The following ZNF783 variants were observed in gnomAD, a reference collection of about 807,000 sequenced individuals.
The protein encoded by ZNF783 is protein ZNF783.
ZNF783 carries 25 observed loss-of-function variants against 31.3 expected under a neutral mutation model. The observed-to-expected ratio is 0.80, with a 90% CI of 0.58 to 1.11. ZNF783 has a LOEUF of 1.11. Among genes scored for constraint, ZNF783 ranks in the 50% most tolerant of loss-of-function variants. The pLI is 0.00. For missense variants in ZNF783, 797 were observed against 760.0 expected (o/e 1.05, Z -0.57); for synonymous variants, 369 against 319.1 (o/e 1.16, Z -1.66).
chr7:149,262,843 T>C (rs565438057), intron 1 of ZNF783, among the ~76,000 whole-genome samples: 1 of 152,386 alleles, frequency 6.6e-6, no homozygotes, highest in Admixed American at 6.5e-5. Flanking sequence ...CGCCTCATAT[T>C]CTACTTTTGC....
chr7:149,282,137 T>A lies in ZNF783; in HGVS notation c.1435T>A (p.Ser479Thr). The part of the protein sequence containing the change: ...PYCGKAFRRP[S>T]DLFRHQRIHT... ...CTGCGGCAAGGCCTTCCGCCGGCCC[T>A]CGGACCTCTTCCGGCACCAGCGCAT... The change falls in exon 6 of 6, where the codon TCG becomes ACG. Residue 479 changes from serine to threonine, a missense_variant. Coordinates refer to ENST00000434415, the MANE Select transcript of ZNF783 (RefSeq NM_001195220.2). The A allele has an allele frequency of 6.3e-7, 1 of 1,599,804 alleles. No individual in the cohort carries two copies. Among genetic ancestry groups the A allele is most frequent in the Non-Finnish European group, 8.5e-7 (1 of 1,179,382 alleles).
chr7:149,265,023 G>C (rs1797032256), intron 1 of ZNF783, among the ~76,000 whole-genome samples: 1 of 150,938 alleles, frequency 6.6e-6, no homozygotes, highest in African/African-American at 2.5e-5. Context: ...TGGAAGTGGG[G>C]AAATCAGGTG....
At chr7:149,280,306 C>G (rs1797435543) in intron 5 of ZNF783, among the ~76,000 whole-genome samples, 1 of 152,180 alleles carries the variant, frequency 6.6e-6, no homozygotes, top group South Asian at 2.1e-4. Flanking sequence ...TGGGGAGTCT[C>G]CAACCTTCCC....
chr7:149,274,723 A>G (rs1462155578), intron 4 of ZNF783, among the ~76,000 whole-genome samples: 3 of 152,090 alleles, frequency 2.0e-5, no homozygotes, highest in Non-Finnish European at 1.5e-5. Context: ...GTATCGGTTT[A>G]TTTCTGGGTT....
chr7:149,277,144 G>C (rs942209755), intron 4 of ZNF783: 1 of 152,196 alleles, frequency 6.6e-6, no homozygotes, highest in African/African-American at 2.4e-5. Context: ...CACCGCGCCC[G>C]GTCTGGTTGT....
intron 4 of ZNF783, among the ~76,000 whole-genome samples, chr7:149,271,276 A>G (rs1472088031): frequency 6.6e-6 from 1 of 152,184 alleles, no homozygotes; most frequent in East Asian, 1.9e-4. Context: ...CTTTCCTTTT[A>G]GGTGGCAATC....
intron 1 of ZNF783, 27 bp downstream of exon 1, chr7:149,262,384 C>T: frequency 7.9e-7 from 1 of 1,258,952 alleles, no homozygotes; most frequent in Non-Finnish European, 1.0e-6. Flanking sequence ...CCGCGGACGC[C>T]CGGAAGGCCC....
In ZNF783 at chr7:149,266,748, T is replaced by G. The variant is rs1797081238; in HGVS notation, c.420+18T>G. Reference sequence around the variant, plus strand: ...CCCCCAAGGTAGCACCGGGACACCCTGGGGTGGGGGAGCTCGAGGGGCTGA... The same window carrying G: ...CCCCCAAGGTAGCACCGGGACACCCGGGGGTGGGGGAGCTCGAGGGGCTGA... On this transcript the variant is annotated intron_variant, in intron 2 of 5. Coordinates refer to ENST00000434415, the MANE Select transcript of ZNF783 (RefSeq NM_001195220.2). The G allele has an allele frequency of 2.5e-6, 4 of 1,613,216 alleles. No individual in the cohort carries two copies. Among genetic ancestry groups the G allele is most frequent in the Non-Finnish European group, 3.4e-6 (4 of 1,179,692 alleles).
intron 1 of ZNF783, 87 bp from the exon 2 acceptor site, chr7:149,266,248 A>C (rs1797061065): frequency 1.4e-6 from 2 of 1,409,858 alleles, no homozygotes; most frequent in South Asian, 3.0e-5. Flanking sequence ...TTACCATGGC[A>C]GGTGTCATTT....
chr7:149,278,312 T>G, intron 4 of ZNF783, 87 bp from the exon 5 acceptor site: 1 of 1,566,824 alleles, frequency 6.4e-7, no homozygotes, highest in Non-Finnish European at 8.6e-7. Context: ...AGGATCGCAG[T>G]GACTCTGCCT....
intron 4 of ZNF783, among the ~76,000 whole-genome samples, chr7:149,273,253 T>C (rs1797249162): frequency 6.6e-6 from 1 of 152,194 alleles, no homozygotes; most frequent in South Asian, 2.1e-4. Flanking sequence ...TTCCTTTCTT[T>C]TGGGTATTAC....
At chr7:149,279,654 T>TTTTTTTTTTTTTTTTA (rs1554479776) in intron 5 of ZNF783, among the ~76,000 whole-genome samples, 2 of 128,340 alleles carry the variant, frequency 1.6e-5, no homozygotes, top group Non-Finnish European at 1.7e-5. Context: ...TTTTTTTTTT[T>TTTTTTTTTTTTTTTTA]AATTTTTTTT....
chr7:149,270,758 C>T (rs1362141439), intron 4 of ZNF783, among the ~76,000 whole-genome samples: 1 of 152,072 alleles, frequency 6.6e-6, no homozygotes, highest in Non-Finnish European at 1.5e-5. Flanking sequence ...CTGCTCCAGA[C>T]CTGGAATCAA....
At chr7:149,269,919 TGTTTGGTTTTTTGTCCTTGCGATA>T (rs911782217) in intron 4 of ZNF783, among the ~76,000 whole-genome samples, 1 of 149,298 alleles carries the variant, frequency 6.7e-6, no homozygotes, top group African/African-American at 2.5e-5. Context: ...GGGCATGCGG[TGTTTGGTTTTTTGTCCTTGCGATA>T]GTTTGCTGAG....
intron 5 of ZNF783, 137 bp from the exon 6 acceptor site, chr7:149,281,368 C>T: frequency 1.6e-6 from 1 of 623,570 alleles, no homozygotes; most frequent in Non-Finnish European, 2.4e-6. Context: ...GCTCAGTGAG[C>T]AGGACCCCTG....
At chr7:149,267,758 C>CT (rs2129524829) in intron 4 of ZNF783, among the ~76,000 whole-genome samples, 1 of 152,192 alleles carries the variant, frequency 6.6e-6, no homozygotes, top group African/African-American at 2.4e-5. Context: ...GATTGCGCCA[C>CT]TGCACTCCAG....
chr7:149,271,204 C>T (rs1797203436), intron 4 of ZNF783, among the ~76,000 whole-genome samples: 1 of 152,210 alleles, frequency 6.6e-6, no homozygotes, highest in Non-Finnish European at 1.5e-5. Context: ...TTCCAAAGTG[C>T]TGGGATTACA....
chr7:149,273,257 G>T (rs1400334871), intron 4 of ZNF783, among the ~76,000 whole-genome samples: 1 of 152,148 alleles, frequency 6.6e-6, no homozygotes, highest in Non-Finnish European at 1.5e-5. Context: ...TTTCTTTTGG[G>T]TATTACTTAG....
At position 149,281,548 on chromosome 7, in the gene ZNF783, G is replaced by A. The variant is rs746436249; in HGVS notation, c.846G>A (p.Glu282=). 1 of 1,475,830 alleles carries A rather than the reference G, an allele frequency of 6.8e-7. No homozygotes were observed. The highest frequency in any genetic ancestry group is 1.4e-5 in the South Asian group (1 of 70,630). 91.4% of individuals were successfully genotyped at this position (1,475,830 alleles called of 1,614,324 possible). The change falls in exon 6 of 6, where the codon GAG becomes GAA. Residue 282 remains glutamate (E), a synonymous_variant. Transcript: ENST00000434415. The part of the protein sequence containing the change: ...AIKTEAQSED[E]MTPERLFLGV... ...AGACAGAGGCACAGTCTGAAGACGA[G>A]ATGACGCCTGAGCGGCTCTTTCTGG...
Sources: gnomAD v4.1 joint callset for allele counts (sites outside exome capture counted in the v4.1 genomes callset) on GRCh38, gnomAD v4.1.1 for gene constraint, MANE v1.5 for transcripts, NCBI Gene and HGNC (gene_info 2026-07-23, HGNC 2026-07-21) for gene names.